The following TEAD1 variants were observed in gnomAD, a reference collection of about 807,000 sequenced individuals.
TEAD1 encodes the protein transcriptional enhancer factor TEF-1.
In TEAD1, 9 loss-of-function variants were observed where a neutral mutation model predicts 54.9. That is an observed-to-expected ratio of 0.16 (90% CI 0.10 to 0.29). The LOEUF (loss-of-function observed/expected upper bound fraction) is 0.29, where lower values mean the gene tolerates loss of function less well. TEAD1 is among the 10% of genes least tolerant of loss of function. The pLI, the probability that TEAD1 is intolerant of heterozygous loss-of-function variation, is 1.00. For synonymous variants in TEAD1, 200 were observed against 187.8 expected (o/e 1.07, Z -0.53); for missense variants, 387 against 535.9 (o/e 0.72, Z 2.74).
chr11:12,698,366 G>A (rs1422825397), intron 2 of TEAD1, among the ~76,000 whole-genome samples: 1 of 152,088 alleles, frequency 6.6e-6, no homozygotes, highest in East Asian at 1.9e-4. Context: ...GGAGGATGGA[G>A]GGCAGGTGGG....
chr11:12,710,380 G>C (rs1373817374), intron 2 of TEAD1, among the ~76,000 whole-genome samples: 3 of 152,114 alleles, frequency 2.0e-5, no homozygotes, highest in Non-Finnish European at 4.4e-5. Context: ...TAATGTGACA[G>C]ATATCATTGG....
chr11:12,723,956 C>T (rs910354771), intron 2 of TEAD1, among the ~76,000 whole-genome samples: 1 of 152,164 alleles, frequency 6.6e-6, no homozygotes, highest in Non-Finnish European at 1.5e-5. Flanking sequence ...TGACAGAGTT[C>T]GCTTGATGAC....
At chr11:12,864,641 TG>T (rs1947579329) in intron 4 of TEAD1, 196 bp from the exon 5 acceptor site, 3 of 1,339,390 alleles carry the variant, frequency 2.2e-6, no homozygotes, top group Non-Finnish European at 3.0e-6. Context: ...TGTTTTGTTT[TG>T]TTTTGTTTTG....
chr11:12,760,443 C>T (rs1441616572), intron 2 of TEAD1, among the ~76,000 whole-genome samples: 1 of 152,186 alleles, frequency 6.6e-6, no homozygotes, highest in Non-Finnish European at 1.5e-5. Flanking sequence ...TTGAAACCCA[C>T]ATCTGTTGGA....
chr11:12,705,940 T>C lies in TEAD1; in HGVS notation c.-55+30379T>C, dbSNP rs575483092. ...TCCATTGTTCTAAACCTTTCAAATATAGTGTGATTACCCTCGTTTGTGTGT... is the reference window on the plus strand; with the variant it reads ...TCCATTGTTCTAAACCTTTCAAATACAGTGTGATTACCCTCGTTTGTGTGT... On this transcript the variant is annotated intron_variant, in intron 2 of 12. Coordinates refer to ENST00000527636, the MANE Select transcript of TEAD1 (RefSeq NM_021961.6). 1.2e-3 allele frequency among the ~76,000 whole-genome samples: 186 copies of C among 152,318 alleles called. 2 individuals are homozygous for C. Among genetic ancestry groups the C allele is most frequent in the Admixed American group, 0.012 (184 of 15,302 alleles).
intron 3 of TEAD1, among the ~76,000 whole-genome samples, chr11:12,854,883 A>G (rs1187156112): frequency 2.0e-5 from 3 of 151,548 alleles, no homozygotes; most frequent in African/African-American, 7.3e-5. Context: ...GGCGTGAGCC[A>G]CTGCACCCAG....
At chr11:12,763,966 A>C (rs1037673261) in intron 2 of TEAD1, among the ~76,000 whole-genome samples, 1 of 152,232 alleles carries the variant, frequency 6.6e-6, no homozygotes, top group East Asian at 1.9e-4. Context: ...CATATTCTCC[A>C]GTAGGAGTTA....
chr11:12,873,636 T>TA (rs954079453), intron 5 of TEAD1, among the ~76,000 whole-genome samples: 6 of 152,348 alleles, frequency 3.9e-5, no homozygotes, highest in South Asian at 2.1e-4. Flanking sequence ...CGTTAGCTGT[T>TA]ACCTGACTGA....
intron 12 of TEAD1, among the ~76,000 whole-genome samples, chr11:12,935,335 GATATC>G (rs1284110116): frequency 2.6e-5 from 4 of 152,132 alleles, no homozygotes; most frequent in African/African-American, 9.7e-5. Flanking sequence ...GAGGTCGTAT[GATATC>G]ATATGAGACA....
chr11:12,925,241 C>T (rs1052634276), intron 11 of TEAD1, among the ~76,000 whole-genome samples, 189 bp downstream of exon 11: 2 of 152,168 alleles, frequency 1.3e-5, no homozygotes, highest in African/African-American at 4.8e-5. Context: ...GTTTCATTGA[C>T]TCACAGTTCC....
chr11:12,719,949 G>GTTTTTTTTTTTTTTTTT (rs1200965763), intron 2 of TEAD1, among the ~76,000 whole-genome samples: 2 of 40,020 alleles, frequency 5.0e-5, no homozygotes, highest in Non-Finnish European at 6.4e-5. Context: ...GAAATCTAAT[G>GTTTTTTTTTTTTTTTTT]TTTTTTTTTT....
chr11:12,915,347 C>T (rs892891041), intron 10 of TEAD1, among the ~76,000 whole-genome samples: 6 of 152,184 alleles, frequency 3.9e-5, no homozygotes, highest in Non-Finnish European at 8.8e-5. Context: ...TCTGCCCCCA[C>T]AGCCAGGTCT....
chr11:12,743,243 A>G (rs562957108), intron 2 of TEAD1, among the ~76,000 whole-genome samples: 4 of 152,376 alleles, frequency 2.6e-5, no homozygotes, highest in South Asian at 4.1e-4. Flanking sequence ...TTCTAAATTC[A>G]AAGCAATATA....
At chr11:12,934,376 C>G (rs1007871699) in intron 12 of TEAD1, among the ~76,000 whole-genome samples, 2 of 151,636 alleles carry the variant, frequency 1.3e-5, no homozygotes, top group Non-Finnish European at 2.9e-5. Context: ...CATCACACAC[C>G]GGGGCCTGTT....
intron 9 of TEAD1, among the ~76,000 whole-genome samples, chr11:12,888,640 G>A (rs2134108890): frequency 6.6e-6 from 1 of 152,310 alleles, no homozygotes; most frequent in African/African-American, 2.4e-5. Context: ...CACCACATAT[G>A]TCACCCTTGC....
intron 3 of TEAD1, among the ~76,000 whole-genome samples, chr11:12,842,857 C>T (rs1338256854): frequency 6.6e-6 from 1 of 152,052 alleles, no homozygotes; most frequent in East Asian, 1.9e-4. Flanking sequence ...AGCATCAAAG[C>T]CTTTTCTAAC....
chr11:12,847,642 G>A (rs972925092), intron 3 of TEAD1, among the ~76,000 whole-genome samples: 12 of 152,114 alleles, frequency 7.9e-5, no homozygotes, highest in East Asian at 1.9e-4. Flanking sequence ...AATTTTTTAC[G>A]GATAGAATGT....
At chr11:12,849,170 C>T (rs1423899330) in intron 3 of TEAD1, 1 of 152,254 alleles carries the variant, frequency 6.6e-6, no homozygotes, top group African/African-American at 2.4e-5. Flanking sequence ...GCCTCAGCCT[C>T]CCGAGTAGCT....
In TEAD1 at chr11:12,881,949, C is replaced by G. The variant is rs1244259101; in HGVS notation, c.566C>G (p.Pro189Arg). The G allele has an allele frequency of 2.5e-6, 4 of 1,614,094 alleles. No individual in the cohort carries two copies. The highest frequency in any genetic ancestry group is 2.7e-5 in the African/African-American group (2 of 74,942). The change falls in exon 8 of 13, where the codon CCC (proline) becomes CGC (arginine). Residue 189 changes from proline (P) to arginine (R), a missense_variant. This residue lies in a region of TEAD1 where 180 missense variants were observed against 180.6 expected (regional missense o/e 1.00). Coordinates refer to ENST00000527636, the MANE Select transcript of TEAD1 (RefSeq NM_021961.6). ...CCCATCCAGCCAGCGGTCACAGCCC[C>G]CATTCCAGGTGAGTGTCCCTGAAAC...
Sources: gnomAD v4.1 joint callset for allele counts (sites outside exome capture counted in the v4.1 genomes callset) on GRCh38, gnomAD v4.1.1 for gene constraint, gnomAD v4.1.1 regional missense constraint, MANE v1.5 for transcripts, NCBI Gene and HGNC (gene_info 2026-07-23, HGNC 2026-07-21) for gene names.